Variants in SVIL observed in about 807,000 individuals in gnomAD.
The protein encoded by SVIL is archvillin.
Under a neutral mutation model 240.4 loss-of-function variants are expected in SVIL, and 101 were observed. The ratio of observed to expected loss-of-function variants is 0.42; its 90% confidence interval spans 0.36 to 0.50. The LOEUF (loss-of-function observed/expected upper bound fraction) is 0.50. SVIL is among the 20% of genes least tolerant of loss of function. The probability of loss-of-function intolerance (pLI) is 0.01; values close to 1 mark genes in which losing one functional copy is unlikely to be tolerated. For synonymous variants in SVIL, 999 were observed against 1,100.0 expected, an observed-to-expected ratio of 0.91 and a Z score of 1.82; for missense variants, 2,512 against 2,818.7, an observed-to-expected ratio of 0.89 and a Z score of 2.46.
chr10:29,590,812 CCT>C lies in SVIL; in HGVS notation c.-200-21502_-200-21501del, dbSNP rs536710219. Among the ~76,000 whole-genome samples the C allele has an allele frequency of 1.8e-3, 274 of 152,218 alleles. 1 individual carries two copies. Among genetic ancestry groups the C allele is most frequent in the African/African-American group, 6.1e-3 (255 of 41,532 alleles). On this transcript the variant is annotated intron_variant, in intron 1 of 37. Coordinates refer to ENST00000355867, the MANE Select transcript of SVIL (RefSeq NM_021738.3). ...AAGAGTATCAGTTGAAGTACTAACCCCTCTTTGAAAAAACTTAAAAACTTGAT... is the reference window on the plus strand; with the variant it reads ...AAGAGTATCAGTTGAAGTACTAACCCCTTTGAAAAAACTTAAAAACTTGAT...
intron 1 of SVIL, among the ~76,000 whole-genome samples, chr10:29,722,143 C>T (rs1275455383): frequency 2.0e-5 from 3 of 150,596 alleles, no homozygotes; most frequent in Non-Finnish European, 4.4e-5. Context: ...GAGGCTGAGG[C>T]CAGAGAATCG....
intron 30 of SVIL, 92 bp from the exon 31 acceptor site, chr10:29,471,335 T>C (rs1225986892): frequency 4.0e-6 from 4 of 992,326 alleles, no homozygotes; most frequent in Admixed American, 5.8e-5. Flanking sequence ...ATCTGAAAAA[T>C]ACCAAGACGT....
chr10:29,689,536 G>A (rs1015618556), intron 1 of SVIL, among the ~76,000 whole-genome samples: 3 of 152,046 alleles, frequency 2.0e-5, no homozygotes, highest in Non-Finnish European at 4.4e-5. Context: ...TGCCCATCTC[G>A]GCCTCCCAAA....
At chr10:29,667,660 T>G (rs1344194154) in intron 2 of SVIL, among the ~76,000 whole-genome samples, 2 of 152,030 alleles carry the variant, frequency 1.3e-5, no homozygotes, top group East Asian at 3.9e-4. Context: ...AAGACAAGCC[T>G]GGGAAACATA....
intron 32 of SVIL, among the ~76,000 whole-genome samples, chr10:29,468,615 ATAG>A (rs1214065134): frequency 6.6e-6 from 1 of 151,284 alleles, no homozygotes; most frequent in Non-Finnish European, 1.5e-5. Flanking sequence ...GTATATACTA[ATAG>A]TAGGTGTATA....
At chr10:29,661,206 G>A (rs1248063593) in intron 2 of SVIL, among the ~76,000 whole-genome samples, 1 of 150,926 alleles carries the variant, frequency 6.6e-6, no homozygotes. Flanking sequence ...AAACACTTGA[G>A]TCCTAGAAAT....
At chr10:29,720,866 G>C (rs912745947) in intron 1 of SVIL, among the ~76,000 whole-genome samples, 1 of 152,134 alleles carries the variant, frequency 6.6e-6, no homozygotes, top group African/African-American at 2.4e-5. Flanking sequence ...TTTGTTTTTT[G>C]AGACACAGTC....
chr10:29,578,424 C>T (rs1955796881), intron 1 of SVIL, among the ~76,000 whole-genome samples: 1 of 152,130 alleles, frequency 6.6e-6, no homozygotes, highest in African/African-American at 2.4e-5. Context: ...CAAAATCAGC[C>T]TGCTCACTTC....
chr10:29,727,740 CAAAA>C (rs10607348), intron 1 of SVIL, among the ~76,000 whole-genome samples: 36 of 129,878 alleles, frequency 2.8e-4, no homozygotes, highest in Middle Eastern at 3.9e-3. Flanking sequence ...GTCGTGAACA[CAAAA>C]AAAAAAAAAA....
intron 1 of SVIL, among the ~76,000 whole-genome samples, chr10:29,625,213 T>C (rs1957817110): frequency 6.6e-6 from 1 of 152,232 alleles, no homozygotes; most frequent in Admixed American, 6.5e-5. Flanking sequence ...CAGTTAAGAC[T>C]ACCTTTCTTT....
At chr10:29,477,296 G>C (rs1299483205) in intron 29 of SVIL, among the ~76,000 whole-genome samples, 1 of 152,228 alleles carries the variant, frequency 6.6e-6, no homozygotes, top group African/African-American at 2.4e-5. Context: ...TATAAAGACT[G>C]TTCATGGTCA....
intron 21 of SVIL, among the ~76,000 whole-genome samples, 172 bp downstream of exon 21, chr10:29,493,042 C>T (rs946705111): frequency 2.6e-5 from 4 of 152,158 alleles, no homozygotes; most frequent in Non-Finnish European, 5.9e-5. Context: ...CTGCGAGGCT[C>T]CGTGCCCCTG....
At chr10:29,668,002 T>C (rs1959461167) in intron 2 of SVIL, among the ~76,000 whole-genome samples, 1 of 152,226 alleles carries the variant, frequency 6.6e-6, no homozygotes, top group Non-Finnish European at 1.5e-5. Flanking sequence ...TGTCATCTTC[T>C]ACAAGGTTCT....
intron 3 of SVIL, among the ~76,000 whole-genome samples, chr10:29,646,740 G>GT (rs1958669622): frequency 6.6e-6 from 1 of 152,158 alleles, no homozygotes; most frequent in African/African-American, 2.4e-5. Context: ...CTGCAGTAGG[G>GT]TCCCCAGTGA....
At chr10:29,507,808 C>T (rs1010795723) in intron 17 of SVIL, 154 of 984,796 alleles carry the variant, frequency 1.6e-4, no homozygotes, top group Non-Finnish European at 1.8e-4. Context: ...GAAGCATATA[C>T]AGGTTCCTAC....
intron 2 of SVIL, among the ~76,000 whole-genome samples, chr10:29,666,304 A>AT (rs1959286343): frequency 6.6e-6 from 1 of 152,214 alleles, no homozygotes; most frequent in South Asian, 2.1e-4. Flanking sequence ...TTTTCACAAG[A>AT]TTTCACGACA....
chr10:29,710,201 G>A (rs768266249), intron 1 of SVIL, among the ~76,000 whole-genome samples: 7 of 152,032 alleles, frequency 4.6e-5, no homozygotes, highest in East Asian at 1.9e-4. Context: ...CTACAGGTGC[G>A]CGCCACCATG....
intron 1 of SVIL, among the ~76,000 whole-genome samples, chr10:29,573,718 T>C (rs1174093677): frequency 7.1e-6 from 1 of 140,288 alleles, no homozygotes; most frequent in Non-Finnish European, 1.6e-5. Flanking sequence ...GACTTTTTTT[T>C]TTTTCCCGCT....
intron 35 of SVIL, among the ~76,000 whole-genome samples, chr10:29,462,934 GATTA>G (rs1944435702): frequency 6.6e-6 from 1 of 151,874 alleles, no homozygotes; most frequent in Non-Finnish European, 1.5e-5. Context: ...AATTAAATAA[GATTA>G]ATTACTGGCA....
Sources: gnomAD v4.1 joint callset for allele counts (sites outside exome capture counted in the v4.1 genomes callset) on GRCh38, gnomAD v4.1.1 for gene constraint, MANE v1.5 for transcripts, NCBI Gene and HGNC (gene_info 2026-07-23, HGNC 2026-07-21) for gene names.